PRUNE2: variants seen among roughly 807,000 people sequenced by gnomAD.
PRUNE2 encodes the protein prune homolog 2 with BCH domain, also known as protein prune homolog 2.
A neutral mutation model predicts 252.0 loss-of-function variants in PRUNE2; 164 were observed. The ratio of observed to expected loss-of-function variants is 0.65; its 90% confidence interval spans 0.57 to 0.74. The LOEUF is 0.74. PRUNE2 is among the 30% of genes least tolerant of loss of function. The probability of loss-of-function intolerance (pLI) is 0.00; values close to 1 mark genes in which losing one functional copy is unlikely to be tolerated. For synonymous variants in PRUNE2, 1,292 were observed against 1,350.2 expected (o/e 0.96, Z 0.94); for missense variants, 3,495 against 3,711.0 (o/e 0.94, Z 1.51).
chr9:76,841,025 C>T (rs1392676119), intron 4 of PRUNE2, among the ~76,000 whole-genome samples: 17 of 151,648 alleles, frequency 1.1e-4, no homozygotes, highest in Admixed American at 1.1e-3. Flanking sequence ...GCAAGATGAT[C>T]AAATAGGAAC....
chr9:76,774,481 A>G (rs1171180813), intron 6 of PRUNE2, among the ~76,000 whole-genome samples: 2 of 22,016 alleles, frequency 9.1e-5, no homozygotes, highest in Non-Finnish European at 1.3e-4. Flanking sequence ...TTTTTTTGAG[A>G]TGGAGTCTCA....
chr9:76,798,165 T>A (rs1371210051), intron 6 of PRUNE2, among the ~76,000 whole-genome samples: 1 of 152,214 alleles, frequency 6.6e-6, no homozygotes, highest in East Asian at 1.9e-4. Context: ...AAATTTACCA[T>A]CTTAACCATT....
intron 4 of PRUNE2, among the ~76,000 whole-genome samples, chr9:76,835,157 G>C (rs962686401): frequency 6.6e-6 from 1 of 152,132 alleles, no homozygotes; most frequent in Non-Finnish European, 1.5e-5. Context: ...AGAAGTGAAG[G>C]ACCTCTTGCC....
Position 76,705,936 on chromosome 9 carries a change from G to C in PRUNE2, c.6338C>G (p.Ala2113Gly). 2 of 1,613,964 alleles carry C rather than the reference G, an allele frequency of 1.2e-6. No individual in the cohort carries two copies. Among genetic ancestry groups the C allele is most frequent in the South Asian group, 2.2e-5 (2 of 91,080 alleles). ...DSPDICHDSE[A>G]KQETEKHLSA... ...GAGGTGCTTCTCAGTCTCTTGCTTT[G>C]CTTCAGAATCGTGACATATATCAGG... Residue 2113 changes from alanine to glycine, a missense_variant, in exon 8 of 19, where the codon GCA becomes GGA. Transcript: ENST00000376718.
chr9:76,615,180 C>T (rs1365711268), intron 18 of PRUNE2: 4 of 984,990 alleles, frequency 4.1e-6, no homozygotes, highest in Admixed American at 6.2e-5. Flanking sequence ...AGGAGTAAGC[C>T]TAAAACTCAC....
intron 6 of PRUNE2, among the ~76,000 whole-genome samples, chr9:76,754,093 G>A (rs1363540134): frequency 6.6e-6 from 1 of 152,184 alleles, no homozygotes; most frequent in East Asian, 1.9e-4. Flanking sequence ...TAATAATCTG[G>A]AATTTTTTCC....
chr9:76,804,779 A>T lies in PRUNE2; in HGVS notation c.756+18853T>A, dbSNP rs149180479. Among the ~76,000 whole-genome samples the T allele has an allele frequency of 6.6e-3, 1,003 of 152,226 alleles. 7 individuals carry two copies. Among genetic ancestry groups the T allele is most frequent in the Non-Finnish European group, 0.011 (717 of 68,006 alleles). On this transcript the variant is annotated intron_variant, in intron 6 of 18. Coordinates refer to ENST00000376718, the MANE Select transcript of PRUNE2 (RefSeq NM_015225.3). ...TCAGCATGAACTTGGCCATTCCTTG[A>T]CCAAAAGGCCCTCTAGAGGTGATCC...
intron 13 of PRUNE2, 77 bp from the exon 14 acceptor site, chr9:76,637,626 C>G: frequency 7.5e-7 from 1 of 1,336,756 alleles, no homozygotes; most frequent in Non-Finnish European, 1.0e-6. Flanking sequence ...ATCAAAAGTA[C>G]AGGGTGTATG....
intron 6 of PRUNE2, among the ~76,000 whole-genome samples, chr9:76,770,220 C>T (rs1453754232): frequency 6.6e-6 from 1 of 152,026 alleles, no homozygotes; most frequent in Non-Finnish European, 1.5e-5. Flanking sequence ...TATTTTTACC[C>T]TTACACTTGT....
intron 6 of PRUNE2, among the ~76,000 whole-genome samples, chr9:76,768,908 T>C (rs965257976): frequency 6.6e-6 from 1 of 152,164 alleles, no homozygotes; most frequent in Non-Finnish European, 1.5e-5. Context: ...CTGTACTTTA[T>C]AAAAAATTTA....
At chr9:76,869,538 T>C (rs1159480620) in intron 1 of PRUNE2, among the ~76,000 whole-genome samples, 7 of 152,090 alleles carry the variant, frequency 4.6e-5, no homozygotes, top group African/African-American at 7.2e-5. Flanking sequence ...TGGTGCACAG[T>C]AGATATTCAA....
intron 12 of PRUNE2, among the ~76,000 whole-genome samples, chr9:76,639,617 T>C (rs1242401246): frequency 6.6e-6 from 1 of 152,194 alleles, no homozygotes; most frequent in Non-Finnish European, 1.5e-5. Flanking sequence ...GGTTCTGAAT[T>C]CTATGAAGAG....
chr9:76,854,167 CCCAA>C lies in PRUNE2; in HGVS notation c.74_77del (p.Ile25SerfsTer20). The C allele has an allele frequency of 6.2e-7, 1 of 1,605,222 alleles. No individual in the cohort carries two copies. Among genetic ancestry groups the C allele is most frequent in the African/African-American group, 1.3e-5 (1 of 74,918 alleles). On this transcript the variant is annotated frameshift_variant, in exon 2 of 19. Transcript: ENST00000376718. LOFTEE classifies it high-confidence loss of function. ...GAGAATCCAAGTCACACGATTTAGG[CCCAA>C]TAACCACATGGACCTTCTCCAAGCG...
intron 12 of PRUNE2, among the ~76,000 whole-genome samples, chr9:76,638,898 G>A (rs1426095167): frequency 1.3e-5 from 2 of 152,268 alleles, no homozygotes; most frequent in African/African-American, 4.8e-5. Flanking sequence ...CAGACAGTGT[G>A]AGAACCCATG....
rs780778087 is a variant in PRUNE2, at chr9:76,905,908, G to A, written c.36+20C>T. 2 of 1,614,048 alleles carry A rather than the reference G, an allele frequency of 1.2e-6. No homozygotes were observed. Among genetic ancestry groups the A allele is most frequent in the Non-Finnish European group, 1.7e-6 (2 of 1,179,972 alleles). On this transcript the variant is annotated intron_variant, in intron 1 of 18. Transcript: ENST00000376718. ...GCATACGCGCGCGCGCACACACACA[G>A]CTTTGCTCACTCAACTTACCAGTTT... is the stretch of plus-strand genomic sequence containing the variant.
intron 6 of PRUNE2, among the ~76,000 whole-genome samples, chr9:76,719,507 C>T (rs1281682708): frequency 2.0e-5 from 3 of 151,362 alleles, no homozygotes; most frequent in Non-Finnish European, 2.9e-5. Context: ...TTTTTTAGGC[C>T]GAGCATGGTG....
intron 1 of PRUNE2, among the ~76,000 whole-genome samples, chr9:76,861,424 AG>A (rs1245165666): frequency 3.3e-5 from 5 of 152,248 alleles, no homozygotes; most frequent in Non-Finnish European, 7.3e-5. Context: ...GAGAGGAGAC[AG>A]GCATCAGTGT....
chr9:76,626,146 T>C (rs1006319424), intron 16 of PRUNE2, among the ~76,000 whole-genome samples: 3 of 152,246 alleles, frequency 2.0e-5, no homozygotes, highest in Non-Finnish European at 1.5e-5. Flanking sequence ...CTGAACATCC[T>C]GTATTTTCCC....
chr9:76,772,163 C>T (rs569775036), intron 6 of PRUNE2, among the ~76,000 whole-genome samples: 3 of 152,200 alleles, frequency 2.0e-5, no homozygotes, highest in Non-Finnish European at 4.4e-5. Flanking sequence ...GTGTGTTGCT[C>T]GTTGTTTTTA....
Sources: gnomAD v4.1 joint callset for allele counts (sites outside exome capture counted in the v4.1 genomes callset) on GRCh38, gnomAD v4.1.1 for gene constraint, MANE v1.5 for transcripts, NCBI Gene and HGNC (gene_info 2026-07-23, HGNC 2026-07-21) for gene names.